Variants in TTC19 observed in about 807,000 individuals in gnomAD.
The protein encoded by TTC19 is tetratricopeptide repeat domain 19, also known as tetratricopeptide repeat protein 19, mitochondrial.
TTC19 carries 38 observed loss-of-function variants against 49.5 expected under a neutral mutation model. That is an observed-to-expected ratio of 0.77 (90% CI 0.59 to 1.01). The LOEUF (loss-of-function observed/expected upper bound fraction) is 1.01, where lower values mean the gene tolerates loss of function less well. TTC19 is among the 50% of genes least tolerant of loss of function. The pLI is 0.00. For synonymous variants in TTC19, 204 were observed against 185.2 expected, an observed-to-expected ratio of 1.10 and a Z score of -0.83; for missense variants, 475 against 477.7, an observed-to-expected ratio of 0.99 and a Z score of 0.05.
intron 7 of TTC19, among the ~76,000 whole-genome samples, chr17:16,021,141 A>C (rs1388548991): frequency 1.3e-5 from 2 of 152,202 alleles, no homozygotes; most frequent in Admixed American, 1.3e-4. Flanking sequence ...TAATCCCAGC[A>C]CTTTGGGAGG....
downstream of TTC19, chr17:16,030,434 CT>C (rs958835328): frequency 4.8e-6 from 1 of 209,786 alleles, no homozygotes; most frequent in Non-Finnish European, 9.7e-6. Context: ...ATCATAATCT[CT>C]TTTATGGTAG....
At chr17:16,034,776 G>C in intron 2 of TTC19, 1 of 1,612,376 alleles carries the variant, frequency 6.2e-7, no homozygotes, top group Non-Finnish European at 8.5e-7. Flanking sequence ...TGTTGAAGAG[G>C]GCCTGTCTTC....
intron 4 of TTC19, among the ~76,000 whole-genome samples, chr17:16,003,399 T>C (rs1970799683): frequency 6.6e-6 from 1 of 150,692 alleles, no homozygotes; most frequent in African/African-American, 2.4e-5. Flanking sequence ...TCCAGGCGTG[T>C]GCCACAACAC....
chr17:16,030,078 C>A (rs540674632), downstream of TTC19: 3 of 177,498 alleles, frequency 1.7e-5, no homozygotes, highest in Non-Finnish European at 2.4e-5. Context: ...AGAAGTCTTA[C>A]GGATAACATA....
At chr17:16,024,485 T>TTTTTTA (rs1971488140) in intron 7 of TTC19, 1 of 140,454 alleles carries the variant, frequency 7.1e-6, no homozygotes, top group African/African-American at 2.6e-5. Flanking sequence ...TTTTGTATTT[T>TTTTTTA]TAGTAGAGAC....
In TTC19 at chr17:16,027,457, A is replaced by T. The variant is rs762661182; in HGVS notation, c.1078A>T (p.Ile360Phe). 6.2e-7 allele frequency: 1 copy of T among 1,614,108 alleles called. No individual in the cohort carries two copies. The highest frequency in any genetic ancestry group is 8.5e-7 in the Non-Finnish European group (1 of 1,179,936). The change falls in exon 10 of 10, where the codon ATC becomes TTC. Residue 360 changes from isoleucine (I) to phenylalanine (F), a missense_variant. By Grantham distance (21) the Ile-to-Phe change is conservative. Transcript: ENST00000261647. Reference sequence around the variant, plus strand: ...AAAAGATGAAATTTCTGTACAACACATCAGGGAAGAGTTGGCTGAGCTGTC... The same window carrying T: ...AAAAGATGAAATTTCTGTACAACACTTCAGGGAAGAGTTGGCTGAGCTGTC... ...LKKDEISVQH[I>F]REELAELSKK...
chr17:16,028,760 C>A lies in TTC19; in HGVS notation c.*1238C>A. 2.6e-6 allele frequency: 1 copy of A among 387,718 alleles called. No homozygotes were observed. The highest frequency in any genetic ancestry group is 4.8e-6 in the Non-Finnish European group (1 of 206,284). The allele number at this position is 387,718 out of a possible 1,614,324, so 24.0% of individuals were successfully genotyped here. A position where few individuals can be genotyped will look rare whatever the true frequency, so the allele number is the denominator to read the frequency against. ...CGTATGTACATACTGGAAGAATCTT[C>A]ATAATAAATGAGACTACACAACAAT... On this transcript the variant is annotated 3_prime_UTR_variant, in exon 10 of 10. Coordinates refer to ENST00000261647, the MANE Select transcript of TTC19 (RefSeq NM_017775.4).
At chr17:16,010,143 A>AT (rs1383232233) in intron 7 of TTC19, among the ~76,000 whole-genome samples, 3 of 112,398 alleles carry the variant, frequency 2.7e-5, no homozygotes, top group African/African-American at 9.0e-5. Flanking sequence ...CACCCCATCT[A>AT]TTTTTTTTAT....
In TTC19 at chr17:16,001,938, A is replaced by C. The variant is rs752069752; in HGVS notation, c.336A>C (p.Pro112=). 6.2e-7 allele frequency: 1 copy of C among 1,613,310 alleles called. No individual in the cohort carries two copies. The highest frequency in any genetic ancestry group is 1.7e-5 in the Admixed American group (1 of 60,022). The change falls in exon 3 of 10, where the codon CCA becomes CCC. Residue 112 remains proline, a synonymous_variant. Transcript: ENST00000261647. ...RAKLSIMKDE[P]EEAELILHDA... ...AGTTGAGCATTATGAAAGATGAGCC[A>C]GAAGAGGCTGAGTTAATTTTGCATG... is the stretch of plus-strand genomic sequence containing the variant.
At chr17:16,038,863 C>T (rs918257628) in intron 2 of TTC19, among the ~76,000 whole-genome samples, 4 of 152,136 alleles carry the variant, frequency 2.6e-5, no homozygotes, top group Non-Finnish European at 5.9e-5. Flanking sequence ...CTCCGCCTCT[C>T]GGGTTCAAGC....
At chr17:16,024,140 A>G (rs1027861932) in intron 7 of TTC19, 1 of 152,120 alleles carries the variant, frequency 6.6e-6, no homozygotes, top group Non-Finnish European at 1.5e-5. Flanking sequence ...CTGTGTCTCC[A>G]ATTCTTCTTA....
At chr17:16,035,028 GA>G in intron 2 of TTC19, 23 of 1,300,816 alleles carry the variant, frequency 1.8e-5, no homozygotes, top group East Asian at 2.4e-5. Context: ...ATTGCTAAAT[GA>G]AAAAAAAGCA....
In TTC19 at chr17:15,999,974, G is replaced by C. The variant is rs771015955; in HGVS notation, c.126G>C (p.Val42=). The C allele has an allele frequency of 1.5e-6, 2 of 1,293,624 alleles. No individual in the cohort carries two copies. Among genetic ancestry groups the C allele is most frequent in the South Asian group, 4.9e-5 (2 of 41,236 alleles). 80.1% of individuals were successfully genotyped at this position (1,293,624 alleles called of 1,614,324 possible). A position where few individuals can be genotyped will look rare whatever the true frequency, so the allele number is the denominator to read the frequency against. Residue 42 remains valine, a synonymous_variant, in exon 1 of 10, where the codon GTG becomes GTC. Transcript: ENST00000261647. ...LAGGPGPEVQ[V]PPSRVAPHGR... is the part of the protein sequence containing the mutation. ...GAGGTCCGGGGCCCGAGGTGCAGGT[G>C]CCGCCATCCCGAGTCGCGCCGCACG...
At chr17:16,019,205 C>T (rs1209572545) in intron 7 of TTC19, among the ~76,000 whole-genome samples, 1 of 152,090 alleles carries the variant, frequency 6.6e-6, no homozygotes, top group Non-Finnish European at 1.5e-5. Flanking sequence ...TGGTGGCGGG[C>T]GCCTGTAATC....
rs745640330 is a variant in TTC19, at chr17:16,002,662, T to C, written c.424-131T>C. On this transcript the variant is annotated intron_variant, in intron 3 of 9. Transcript: ENST00000261647. ...TCCTGTGCTTCTTCTTGCAGATTAA[T>C]TGGTGATGTGCTTTTCATTTTCAAC... 4 of 805,638 alleles carry C rather than the reference T, an allele frequency of 5.0e-6. No homozygotes were observed. In the Admixed American group the frequency reaches 7.3e-5, roughly 15 times the overall value. The allele number at this position is 805,638 out of a possible 1,614,324, so 49.9% of individuals were successfully genotyped here. A position where few individuals can be genotyped will look rare whatever the true frequency, so the allele number is the denominator to read the frequency against.
At chr17:16,001,746 T>C (rs1427759613) in intron 2 of TTC19, among the ~76,000 whole-genome samples, 169 bp from the exon 3 acceptor site, 1 of 152,234 alleles carries the variant, frequency 6.6e-6, no homozygotes, top group African/African-American at 2.4e-5. Context: ...CTGACCTCCC[T>C]GTCATCTCTG....
chr17:16,025,241 C>T (rs893322511), intron 8 of TTC19, 70 bp downstream of exon 8: 19 of 1,507,682 alleles, frequency 1.3e-5, no homozygotes, highest in Non-Finnish European at 1.7e-5. Context: ...TGAAATGTCA[C>T]ACTCATTGGT....
At position 16,002,509 on chromosome 17, in the gene TTC19, T is replaced by G. The variant is rs976390626; in HGVS notation, c.424-284T>G. ...CAGTTTTTTTACCCTTGGGGTGACATAAGACCTCTCAATTCCAGACCAAAA... is the reference window on the plus strand; with the variant it reads ...CAGTTTTTTTACCCTTGGGGTGACAGAAGACCTCTCAATTCCAGACCAAAA... On this transcript the variant is annotated intron_variant, in intron 3 of 9. Coordinates refer to ENST00000261647, the MANE Select transcript of TTC19 (RefSeq NM_017775.4). 8.5e-6 allele frequency: 4 copies of G among 472,386 alleles called. No homozygotes were observed. In the Admixed American group the frequency reaches 1.3e-4, roughly 16 times the overall value. The allele number at this position is 472,386 out of a possible 1,614,324, so 29.3% of individuals were successfully genotyped here. A position where few individuals can be genotyped will look rare whatever the true frequency, so the allele number is the denominator to read the frequency against.
chr17:16,013,418 T>A (rs532289895), intron 7 of TTC19, among the ~76,000 whole-genome samples: 2 of 152,230 alleles, frequency 1.3e-5, no homozygotes, highest in African/African-American at 2.4e-5. Flanking sequence ...CTTCTGGAGC[T>A]TAATGCTTAG....
Sources: allele counts gnomAD v4.1 joint callset (sites outside exome capture counted in the v4.1 genomes callset), GRCh38; gene constraint gnomAD v4.1.1; transcripts MANE v1.5; gene names NCBI Gene and HGNC (gene_info 2026-07-23, HGNC 2026-07-21).